BCL9: variants seen among roughly 807,000 people sequenced by gnomAD.
BCL9 encodes BCL9 transcription coactivator, also known as B-cell CLL/lymphoma 9 protein.
Under a neutral mutation model 88.5 loss-of-function variants are expected in BCL9, and 25 were observed. That is an observed-to-expected ratio of 0.28 (90% CI 0.21 to 0.39). The LOEUF is 0.39. Among genes scored for constraint, BCL9 ranks in the 10% least tolerant of loss-of-function variants. BCL9 has a pLI of 1.00. For missense variants in BCL9, 1,817 were observed against 1,877.8 expected (o/e 0.97, Z 0.60); for synonymous variants, 711 against 673.3 (o/e 1.06, Z -0.87).
rs781911464 is a variant in BCL9 at position 147,614,488 on chromosome 1, C to T, written c.432C>T (p.Thr144=). The part of the protein sequence containing the change: ...QDSQHTPHSM[T]PSNATAPRSS... ...CCCAGCACACACCACACTCGATGAC[C>T]CCATCAAATGCTACAGCCCCCAGGT... Residue 144 remains threonine, a synonymous_variant, in exon 6 of 10, where the codon ACC becomes ACT. Coordinates refer to ENST00000234739, the MANE Select transcript of BCL9 (RefSeq NM_004326.4). 5 of 1,613,910 alleles carry T rather than the reference C, an allele frequency of 3.1e-6. No homozygotes were observed. The South Asian group carries it at 4.4e-5, about 14-fold the overall frequency.
At chr1:147,569,493 G>A (rs201209865) in intron 1 of BCL9, among the ~76,000 whole-genome samples, 259 of 140,182 alleles carry the variant, frequency 1.8e-3, no homozygotes, top group Middle Eastern at 7.4e-3. Flanking sequence ...AAAAAAGAAA[G>A]AAAAAAATCA....
chr1:147,548,327 C>G (rs1654709513), intron 1 of BCL9, among the ~76,000 whole-genome samples: 1 of 152,156 alleles, frequency 6.6e-6, no homozygotes, highest in African/African-American at 2.4e-5. Flanking sequence ...TTTAAGGCAA[C>G]CATAGTCTAA....
intron 1 of BCL9, among the ~76,000 whole-genome samples, chr1:147,602,156 C>G (rs2101592127): frequency 6.6e-6 from 1 of 151,810 alleles, no homozygotes; most frequent in South Asian, 2.1e-4. Context: ...CCACCTCAGC[C>G]TCCCAAAGTG....
At chr1:147,609,914 A>T (rs1570900901) in intron 3 of BCL9, among the ~76,000 whole-genome samples, 2 of 152,370 alleles carry the variant, frequency 1.3e-5, no homozygotes, top group Admixed American at 1.3e-4. Flanking sequence ...TACACCTAGT[A>T]TTATTCAGTA....
chr1:147,565,223 T>A (rs113026164), intron 1 of BCL9, among the ~76,000 whole-genome samples: 1 of 152,222 alleles, frequency 6.6e-6, no homozygotes, highest in African/African-American at 2.4e-5. Context: ...AGCCATCCTC[T>A]ACTCTAACCT....
chr1:147,609,184 A>C (rs1022965441), intron 3 of BCL9, among the ~76,000 whole-genome samples: 18 of 152,200 alleles, frequency 1.2e-4, no homozygotes, highest in African/African-American at 4.3e-4. Flanking sequence ...GATTCTGTGG[A>C]GGATCCTTTC....
At chr1:147,590,783 G>A (rs929600140) in intron 1 of BCL9, among the ~76,000 whole-genome samples, 4 of 152,168 alleles carry the variant, frequency 2.6e-5, no homozygotes, top group Admixed American at 6.5e-5. Flanking sequence ...CACAGTGCAT[G>A]GATGTATGAA....
chr1:147,571,146 T>C (rs2101529123), intron 1 of BCL9, among the ~76,000 whole-genome samples: 1 of 152,290 alleles, frequency 6.6e-6, no homozygotes, highest in Non-Finnish European at 1.5e-5. Context: ...AATAGCTCAT[T>C]GTTACAGCAT....
rs1553206010 is a variant in BCL9 at position 147,624,167 on chromosome 1, C to A, written c.3489C>A (p.Gly1163=). 2.5e-6 allele frequency: 4 copies of A among 1,598,814 alleles called. No individual in the cohort carries two copies. Among genetic ancestry groups the A allele is most frequent in the Middle Eastern group, 1.7e-4 (1 of 5,974 alleles). The part of the protein sequence containing the change: ...FPHNGPSGGQ[G]SFPGGMGFPG... ...ACAATGGCCCCAGTGGGGGGCAGGG[C>A]AGCTTCCCAGGAGGGATGGGTTTCC... The change falls in exon 10 of 10, where the codon GGC becomes GGA. Residue 1163 remains glycine, a synonymous_variant. Coordinates refer to ENST00000234739, the MANE Select transcript of BCL9 (RefSeq NM_004326.4). The surrounding 1 kb of genome is among the most constrained non-coding windows in gnomAD (Gnocchi z 4.4).
At position 147,613,001 on chromosome 1, in the gene BCL9, C is replaced by A. The variant is rs1553202892; in HGVS notation, c.172C>A (p.Gln58Lys). ...NQGKQGGSAS[Q>K]SQPSPCDSKS... ...GGGTAAACAGGGGGGCTCAGCCAGCCAATCCCAGCCATCCCCCTGTGACTC... is the reference window on the plus strand; with the variant it reads ...GGGTAAACAGGGGGGCTCAGCCAGCAAATCCCAGCCATCCCCCTGTGACTC... Residue 58 changes from glutamine to lysine, a missense_variant, in exon 5 of 10, where the codon CAA becomes AAA. Gln to Lys is a moderately conservative substitution (Grantham distance 53, BLOSUM62 1). This residue lies in a region of BCL9 where 1,228 missense variants were observed against 1,191.6 expected (regional missense o/e 1.03). Coordinates refer to ENST00000234739, the MANE Select transcript of BCL9 (RefSeq NM_004326.4). 6.2e-7 allele frequency: 1 copy of A among 1,604,798 alleles called. No individual in the cohort carries two copies. Among genetic ancestry groups the A allele is most frequent in the South Asian group, 1.1e-5 (1 of 89,614 alleles).
chr1:147,569,468 A>G (rs188944555), intron 1 of BCL9, among the ~76,000 whole-genome samples: 2,073 of 6,806 alleles, frequency 0.3, 28 homozygotes, highest in South Asian at 0.46. Flanking sequence ...GTCTCTACTA[A>G]AATACAAAAA....
chr1:147,609,214 A>C (rs782225375), intron 3 of BCL9, among the ~76,000 whole-genome samples: 2 of 152,184 alleles, frequency 1.3e-5, no homozygotes, highest in Non-Finnish European at 2.9e-5. Context: ...AAGGTGGTTA[A>C]ACAGTTGAAC....
In BCL9 at chr1:147,619,665, C is replaced by T; in HGVS notation, c.1510C>T (p.Gln504Ter). 1 of 1,614,130 alleles carries T rather than the reference C, an allele frequency of 6.2e-7. No individual in the cohort carries two copies. Among genetic ancestry groups the T allele is most frequent in the Non-Finnish European group, 8.5e-7 (1 of 1,180,022 alleles). The change falls in exon 8 of 10, where the codon CAG (glutamine) becomes TAG (stop). Residue 504 changes from glutamine to a stop codon, truncating the protein, a stop_gained. Transcript: ENST00000234739. LOFTEE classifies it high-confidence loss of function. This position sits in a 1 kb window ranked among gnomAD's most constrained non-coding sequence, Gnocchi z 4.1. ...QCSLQDMMVH[Q>*]HGPRGVVRGP... ...TTCCCTCCAGGACATGATGGTCCAT[C>T]AGCACGGGCCTCGGGGAGTGGTCCG...
At chr1:147,573,313 C>T (rs868961677) in intron 1 of BCL9, among the ~76,000 whole-genome samples, 2 of 152,070 alleles carry the variant, frequency 1.3e-5, no homozygotes, top group Admixed American at 6.5e-5. Flanking sequence ...ATTACCCTGG[C>T]GTGGTGGCAC....
Position 147,604,789 on chromosome 1 carries a change from G to C in BCL9, c.-465G>C, listed in dbSNP as rs1221023804. 6.6e-6 allele frequency: 1 copy of C among 152,120 alleles called. No individual in the cohort carries two copies. The highest frequency in any genetic ancestry group is 2.4e-5 in the African/African-American group (1 of 41,408). 9.4% of individuals were successfully genotyped at this position (152,120 alleles called of 1,614,324 possible). A position where few individuals can be genotyped will look rare whatever the true frequency, so the allele number is the denominator to read the frequency against. ...CTTATCTGTATAGGACTGAATGTGG[G>C]CCCAGTTGGCGTCATTCTGCTTTGA... On this transcript the variant is annotated 5_prime_UTR_variant, in exon 2 of 10. Coordinates refer to ENST00000234739, the MANE Select transcript of BCL9 (RefSeq NM_004326.4).
rs142428017 is a variant in BCL9 at position 147,619,060 on chromosome 1, G to T, written c.905G>T (p.Gly302Val). 1.2e-6 allele frequency: 2 copies of T among 1,612,600 alleles called. No individual in the cohort carries two copies. Among genetic ancestry groups the T allele is most frequent in the Non-Finnish European group, 1.7e-6 (2 of 1,179,314 alleles). Residue 302 changes from glycine (G) to valine (V), a missense_variant, in exon 8 of 10, where the codon GGT becomes GTT. By Grantham distance (109) the Gly-to-Val change is moderately radical. Coordinates refer to ENST00000234739, the MANE Select transcript of BCL9 (RefSeq NM_004326.4). The surrounding 1 kb of genome is among the most constrained non-coding windows in gnomAD (Gnocchi z 4.1). ...PASSTPLPPD[G>V]TGPNSTPNNR... ...AGCTCCACTCCACTGCCCCCAGATG[G>T]TACTGGGCCCAACTCAACTCCCAAC...
chr1:147,560,761 A>C (rs1436445485), intron 1 of BCL9, among the ~76,000 whole-genome samples: 2 of 152,164 alleles, frequency 1.3e-5, no homozygotes, highest in East Asian at 3.8e-4. Flanking sequence ...AAATAAATAC[A>C]TACATAAATA....
At chr1:147,570,700 AT>A (rs1557830411) in intron 1 of BCL9, among the ~76,000 whole-genome samples, 1 of 142,060 alleles carries the variant, frequency 7.0e-6, no homozygotes, top group Non-Finnish European at 1.5e-5. Context: ...CAATGGCAAG[AT>A]CTCAGCTCAC....
At position 147,619,236 on chromosome 1, in the gene BCL9, C is replaced by T. The variant is rs782465178; in HGVS notation, c.1081C>T (p.Arg361Cys). 1.5e-5 allele frequency: 25 copies of T among 1,614,034 alleles called. No homozygotes were observed. Among genetic ancestry groups the T allele is most frequent in the South Asian group, 9.9e-5 (9 of 91,082 alleles). The change falls in exon 8 of 10, where the codon CGC (arginine) becomes TGC (cysteine). Residue 361 changes from arginine (R) to cysteine (C), a missense_variant. Arg to Cys is a radical substitution (Grantham distance 180). Coordinates refer to ENST00000234739, the MANE Select transcript of BCL9 (RefSeq NM_004326.4). This position sits in a 1 kb window ranked among gnomAD's most constrained non-coding sequence, Gnocchi z 4.1. ...LSQEQLEHRE[R>C]SLQTLRDIQR... ...TCAGGAGCAGCTGGAGCACCGGGAG[C>T]GCTCCTTACAAACTCTCAGAGATAT...
Sources: allele counts gnomAD v4.1 joint callset (sites outside exome capture counted in the v4.1 genomes callset), GRCh38; gene constraint gnomAD v4.1.1; regional missense constraint gnomAD v4.1.1; non-coding constraint Gnocchi (gnomAD v3.1); transcripts MANE v1.5; gene names NCBI Gene and HGNC (gene_info 2026-07-23, HGNC 2026-07-21).